DPP10: variants seen among roughly 807,000 people sequenced by gnomAD.
DPP10 encodes the protein inactive dipeptidyl peptidase 10.
Under a neutral mutation model 120.9 loss-of-function variants are expected in DPP10, and 33 were observed. The ratio of observed to expected loss-of-function variants is 0.27; its 90% confidence interval spans 0.21 to 0.37. The LOEUF (loss-of-function observed/expected upper bound fraction) is 0.37, where lower values mean the gene tolerates loss of function less well. Among genes scored for constraint, DPP10 ranks in the 10% least tolerant of loss-of-function variants. The probability of loss-of-function intolerance (pLI) is 1.00; values close to 1 mark genes in which losing one functional copy is unlikely to be tolerated. For missense variants in DPP10, 816 were observed against 942.8 expected (o/e 0.87, Z 1.76); for synonymous variants, 337 against 326.1 (o/e 1.03, Z -0.36).
chr2:115,266,352 C>T (rs886497093), intron 1 of DPP10, among the ~76,000 whole-genome samples: 1 of 152,120 alleles, frequency 6.6e-6, no homozygotes, highest in Non-Finnish European at 1.5e-5. Context: ...TCGATATGCA[C>T]CATGGTCACC....
rs77055564 is a variant in DPP10, at chr2:115,452,595, C to A, written c.272-46915C>A. Reference sequence around the variant, plus strand: ...CAAGGTATCTGTGCCTGCTTGTATTCTTCCCCAGCATTTCCCAGTCTTTCT... The same window carrying A: ...CAAGGTATCTGTGCCTGCTTGTATTATTCCCCAGCATTTCCCAGTCTTTCT... On this transcript the variant is annotated intron_variant, in intron 3 of 25. Coordinates refer to ENST00000410059, the MANE Select transcript of DPP10 (RefSeq NM_020868.6). Among the ~76,000 whole-genome samples, 743 of 152,018 alleles carry A rather than the reference C, an allele frequency of 4.9e-3. 7 individuals are homozygous for A. The highest frequency in any genetic ancestry group is 8.9e-3 in the South Asian group (43 of 4,830).
chr2:115,684,432 G>A (rs1417589913), intron 5 of DPP10, among the ~76,000 whole-genome samples: 1 of 151,970 alleles, frequency 6.6e-6, no homozygotes, highest in Non-Finnish European at 1.5e-5. Context: ...TGACTTCCAA[G>A]AGAAACCAAT....
chr2:115,620,458 G>A (rs1386709985), intron 5 of DPP10, among the ~76,000 whole-genome samples: 3 of 152,130 alleles, frequency 2.0e-5, no homozygotes, highest in African/African-American at 7.2e-5. Flanking sequence ...GGAGAACAGG[G>A]CAAAACAAAG....
intron 5 of DPP10, among the ~76,000 whole-genome samples, chr2:115,531,821 A>G (rs2078484618): frequency 1.3e-5 from 2 of 152,268 alleles, no homozygotes; most frequent in East Asian, 1.9e-4. Context: ...AAGGGAGAAC[A>G]CTGTCTACAT....
chr2:114,546,780 C>T (rs1687435896), intron 1 of DPP10, among the ~76,000 whole-genome samples: 1 of 152,140 alleles, frequency 6.6e-6, no homozygotes, highest in Non-Finnish European at 1.5e-5. Context: ...CAAAAGTCAC[C>T]AGAAATTATT....
At chr2:114,797,612 T>C (rs919475457) in intron 1 of DPP10, among the ~76,000 whole-genome samples, 1 of 152,086 alleles carries the variant, frequency 6.6e-6, no homozygotes, top group Non-Finnish European at 1.5e-5. Flanking sequence ...AGCAGCAAAA[T>C]AAATAACACA....
At chr2:114,965,982 A>AAG (rs1699000949) in intron 1 of DPP10, among the ~76,000 whole-genome samples, 2 of 146,890 alleles carry the variant, frequency 1.4e-5, no homozygotes, top group Non-Finnish European at 3.0e-5. Context: ...AAAAAAAAAA[A>AAG]AAAAAGAAAA....
intron 7 of DPP10, among the ~76,000 whole-genome samples, chr2:115,722,590 A>G (rs1319286187): frequency 2.0e-5 from 3 of 152,162 alleles, no homozygotes; most frequent in African/African-American, 7.2e-5. Flanking sequence ...GCATGTTACT[A>G]TATTGAATAT....
At chr2:114,820,289 A>G (rs1685981246) in intron 1 of DPP10, among the ~76,000 whole-genome samples, 1 of 152,182 alleles carries the variant, frequency 6.6e-6, no homozygotes, top group Non-Finnish European at 1.5e-5. Flanking sequence ...CATGGGTAAG[A>G]GGCAGAGGCA....
At chr2:115,483,243 G>A (rs942590053) in intron 3 of DPP10, among the ~76,000 whole-genome samples, 7 of 152,016 alleles carry the variant, frequency 4.6e-5, no homozygotes, top group Admixed American at 1.3e-4. Flanking sequence ...TATAGTATTT[G>A]ATATTAAAAC....
chr2:115,827,276 T>C (rs1264255401), intron 21 of DPP10, among the ~76,000 whole-genome samples: 2 of 146,700 alleles, frequency 1.4e-5, no homozygotes, highest in Non-Finnish European at 3.0e-5. Context: ...TTTATGTATG[T>C]ATACACATAC....
chr2:114,819,753 A>G (rs1192503734), intron 1 of DPP10, among the ~76,000 whole-genome samples: 1 of 152,146 alleles, frequency 6.6e-6, no homozygotes. Flanking sequence ...GCATCTAACC[A>G]ATTCCCCATT....
At chr2:114,649,082 A>G (rs1259542816) in intron 1 of DPP10, among the ~76,000 whole-genome samples, 2 of 152,202 alleles carry the variant, frequency 1.3e-5, no homozygotes, top group African/African-American at 4.8e-5. Flanking sequence ...TAAAATGGTG[A>G]CATTTCTGTC....
intron 1 of DPP10, among the ~76,000 whole-genome samples, chr2:114,670,474 G>A (rs1000874472): frequency 5.3e-5 from 8 of 150,688 alleles, no homozygotes; most frequent in African/African-American, 1.5e-4. Flanking sequence ...GATGGAAATT[G>A]AACAATGAGA....
chr2:115,825,292 C>A (rs892425721), intron 21 of DPP10, among the ~76,000 whole-genome samples: 1 of 152,166 alleles, frequency 6.6e-6, no homozygotes, highest in Non-Finnish European at 1.5e-5. Flanking sequence ...TCTTATTAAG[C>A]CCTATTCAGG....
intron 5 of DPP10, among the ~76,000 whole-genome samples, chr2:115,647,332 A>T (rs551928042): frequency 6.6e-6 from 1 of 152,188 alleles, no homozygotes; most frequent in South Asian, 2.1e-4. Context: ...AGCACATAGG[A>T]AGCTTTTTAA....
chr2:115,261,335 C>T (rs1574207658), intron 1 of DPP10, among the ~76,000 whole-genome samples: 1 of 152,222 alleles, frequency 6.6e-6, no homozygotes, highest in African/African-American at 2.4e-5. Context: ...TTTGGTGGAT[C>T]GTTTCCAGTT....
At chr2:115,273,826 C>T (rs1368015537) in intron 1 of DPP10, among the ~76,000 whole-genome samples, 1 of 152,172 alleles carries the variant, frequency 6.6e-6, no homozygotes, top group Non-Finnish European at 1.5e-5. Flanking sequence ...TGGAACGAGG[C>T]CAATTTAGTG....
intron 1 of DPP10, among the ~76,000 whole-genome samples, chr2:114,588,851 G>A (rs564208506): frequency 6.6e-6 from 1 of 152,056 alleles, no homozygotes; most frequent in South Asian, 2.1e-4. Context: ...ATTTAGTTAC[G>A]GATTTTTGTT....
Sources: allele counts gnomAD v4.1 joint callset (sites outside exome capture counted in the v4.1 genomes callset), GRCh38; gene constraint gnomAD v4.1.1; transcripts MANE v1.5; gene names NCBI Gene and HGNC (gene_info 2026-07-23, HGNC 2026-07-21).